PNPT1: variants seen among roughly 807,000 people sequenced by gnomAD.
The protein encoded by PNPT1 is polyribonucleotide nucleotidyltransferase 1, also known as polyribonucleotide nucleotidyltransferase 1, mitochondrial.
Under a neutral mutation model 119.5 loss-of-function variants are expected in PNPT1, and 53 were observed. The observed-to-expected ratio is 0.44, with a 90% confidence interval of 0.36 to 0.56. The LOEUF (loss-of-function observed/expected upper bound fraction) is 0.56, where lower values mean the gene tolerates loss of function less well. Among genes scored for constraint, PNPT1 ranks in the 20% least tolerant of loss-of-function variants. PNPT1 has a pLI of 0.00. For synonymous variants in PNPT1, 357 were observed against 322.1 expected, an observed-to-expected ratio of 1.11 and a Z score of -1.16; for missense variants, 948 against 938.5, an observed-to-expected ratio of 1.01 and a Z score of -0.13.
intron 18 of PNPT1, among the ~76,000 whole-genome samples, chr2:55,652,592 G>A (rs1335373030): frequency 6.6e-6 from 1 of 152,136 alleles, no homozygotes; most frequent in Non-Finnish European, 1.5e-5. Context: ...TCTCTGACCT[G>A]TTGATCAGAT....
At chr2:55,669,853 G>C (rs1019304182) in intron 11 of PNPT1, among the ~76,000 whole-genome samples, 1 of 150,858 alleles carries the variant, frequency 6.6e-6, no homozygotes, top group Non-Finnish European at 1.5e-5. Flanking sequence ...CTGCCTAACA[G>C]GTTCAAGTGA....
chr2:55,691,872 ATATATATTTTTTTTTTTT>A (rs908664572), intron 1 of PNPT1, among the ~76,000 whole-genome samples: 6 of 11,570 alleles, frequency 5.2e-4, no homozygotes, highest in African/African-American at 9.2e-4. Flanking sequence ...ATATATATAT[ATATATATTTTTTTTTTTT>A]TTTTTTTTTT....
At chr2:55,661,256 C>G (rs1200085316) in intron 14 of PNPT1, among the ~76,000 whole-genome samples, 3 of 151,868 alleles carry the variant, frequency 2.0e-5, no homozygotes, top group Admixed American at 2.0e-4. Flanking sequence ...TCACGCCCAG[C>G]TAATTTTTGC....
intron 25 of PNPT1, among the ~76,000 whole-genome samples, chr2:55,642,161 T>C (rs1274379191): frequency 6.6e-6 from 1 of 151,864 alleles, no homozygotes; most frequent in Non-Finnish European, 1.5e-5. Flanking sequence ...TAAAAATATG[T>C]GCCAATTAAG....
rs1697564349 is a variant in PNPT1, at chr2:55,690,582, A to G, written c.162-2877T>C. Among the ~76,000 whole-genome samples the G allele has an allele frequency of 2.0e-5, 3 of 152,376 alleles. No individual in the cohort carries two copies. The South Asian group carries it at 6.2e-4, about 32-fold the overall frequency. The stretch of plus-strand genomic sequence containing the variant: ...GAGTTAATGAAAAGCATATTTATCT[A>G]TTCAGTTAGACTCATTTTGTTAAGT... On this transcript the variant is annotated intron_variant, in intron 1 of 27. Transcript: ENST00000447944.
chr2:55,654,655 T>C (rs2104067140), intron 18 of PNPT1, among the ~76,000 whole-genome samples: 1 of 152,376 alleles, frequency 6.6e-6, no homozygotes, highest in East Asian at 1.9e-4. Context: ...TGGCCATCTG[T>C]AATCTGACTT....
chr2:55,659,788 G>A (rs144403464), intron 15 of PNPT1, among the ~76,000 whole-genome samples: 63 of 152,196 alleles, frequency 4.1e-4, no homozygotes, highest in African/African-American at 1.4e-3. Flanking sequence ...ATAGATATAT[G>A]ATAAAACTAG....
intron 8 of PNPT1, among the ~76,000 whole-genome samples, chr2:55,674,302 T>C (rs977063655): frequency 6.6e-6 from 1 of 152,040 alleles, no homozygotes; most frequent in Non-Finnish European, 1.5e-5. Flanking sequence ...AAACTAAGAA[T>C]AAATATAGAG....
intron 1 of PNPT1, among the ~76,000 whole-genome samples, chr2:55,690,992 C>T (rs1283746863): frequency 6.6e-6 from 1 of 152,150 alleles, no homozygotes; most frequent in Non-Finnish European, 1.5e-5. Context: ...TTTGTTTAAC[C>T]CTGAGTAACA....
At chr2:55,651,773 TA>T (rs57793636) in intron 18 of PNPT1, among the ~76,000 whole-genome samples, 73,287 of 126,172 alleles carry the variant, frequency 0.58, 21,093 homozygotes, top group Admixed American at 0.68. Flanking sequence ...ATGATCAATT[TA>T]AAAAAAAAAA....
chr2:55,678,648 G>C (rs1307745073), intron 8 of PNPT1, among the ~76,000 whole-genome samples: 2 of 152,150 alleles, frequency 1.3e-5, no homozygotes, highest in Non-Finnish European at 2.9e-5. Flanking sequence ...AAGCTAAAAG[G>C]AATCTAGATT....
chr2:55,673,648 C>G (rs1008873385), intron 8 of PNPT1, among the ~76,000 whole-genome samples: 1 of 152,004 alleles, frequency 6.6e-6, no homozygotes, highest in Non-Finnish European at 1.5e-5. Flanking sequence ...TGGGGTTTCA[C>G]TGTGTTAGCC....
At chr2:55,683,712 A>G in intron 5 of PNPT1, 73 bp downstream of exon 5, 2 of 1,354,134 alleles carry the variant, frequency 1.5e-6, no homozygotes, top group Non-Finnish European at 1.0e-6. Flanking sequence ...TGTTTACTCT[A>G]GGAAATATTA....
chr2:55,669,463 T>C (rs13001425), intron 11 of PNPT1, among the ~76,000 whole-genome samples: 46,970 of 152,078 alleles, frequency 0.31, 7,439 homozygotes, highest in South Asian at 0.39. Flanking sequence ...TTAGATTGTA[T>C]CTTCTTCAGA....
chr2:55,653,208 AGGGTCAC>A (rs1191323668), intron 18 of PNPT1, among the ~76,000 whole-genome samples: 1 of 152,126 alleles, frequency 6.6e-6, no homozygotes, highest in African/African-American at 2.4e-5. Context: ...AGTCTTGTTG[AGGGTCAC>A]GATCAAGTTC....
intron 1 of PNPT1, among the ~76,000 whole-genome samples, chr2:55,691,868 ATATATATATATTTT>A (rs1461389127): frequency 2.4e-5 from 1 of 42,176 alleles, no homozygotes; most frequent in Non-Finnish European, 5.6e-5. Context: ...ATATATATAT[ATATATATATATTTT>A]TTTTTTTTTT....
At position 55,641,338 on chromosome 2, in the gene PNPT1, G is replaced by A. The variant is rs148170922; in HGVS notation, c.2070-633C>T. ...GGCTGGAGTGCAGTGGTGCCATCTG[G>A]GCTCACTGCAACCTCCGCCTCCCAG... is the stretch of plus-strand genomic sequence containing the variant. On this transcript the variant is annotated intron_variant, in intron 25 of 27. Coordinates refer to ENST00000447944, the MANE Select transcript of PNPT1 (RefSeq NM_033109.5). Among the ~76,000 whole-genome samples, 1,034 of 148,278 alleles carry A rather than the reference G, an allele frequency of 7.0e-3. 18 individuals are homozygous for A. The highest frequency in any genetic ancestry group is 0.024 in the African/African-American group (982 of 40,096).
intron 13 of PNPT1, among the ~76,000 whole-genome samples, chr2:55,666,586 T>A (rs1207076095): frequency 6.6e-6 from 1 of 152,026 alleles, no homozygotes; most frequent in African/African-American, 2.4e-5. Flanking sequence ...CATGCCTGTA[T>A]CCCAGAACAC....
At chr2:55,660,220 A>T in intron 14 of PNPT1, 27 bp from the exon 15 acceptor site, 1 of 1,562,710 alleles carries the variant, frequency 6.4e-7, no homozygotes, top group Non-Finnish European at 8.7e-7. Flanking sequence ...TAATATTAAA[A>T]ACATCATAGG....
Sources: gnomAD v4.1 joint callset for allele counts (sites outside exome capture counted in the v4.1 genomes callset) on GRCh38, gnomAD v4.1.1 for gene constraint, MANE v1.5 for transcripts, NCBI Gene and HGNC (gene_info 2026-07-23, HGNC 2026-07-21) for gene names.